Variants in CAST observed in about 807,000 individuals in gnomAD.
The protein encoded by CAST is calpastatin.
A neutral mutation model predicts 119.6 loss-of-function variants in CAST; 76 were observed. The observed-to-expected ratio is 0.64, with a 90% CI of 0.53 to 0.77. CAST has a LOEUF of 0.77. Ranked by LOEUF, CAST falls within the 30% of genes least tolerant of loss-of-function variation. CAST has a pLI of 0.00. For synonymous variants in CAST, 319 were observed against 331.6 expected (o/e 0.96, Z 0.41); for missense variants, 953 against 946.5 (o/e 1.01, Z -0.09).
At position 96,773,136 on chromosome 5, in the gene CAST, T is replaced by C. The variant is rs1773066616; in HGVS notation, c.*520T>C. ...TGATGTTGCTTTGGGATAATGTTTA[T>C]AAGTCAAACATAAGATATTGTACAT... On this transcript the variant is annotated 3_prime_UTR_variant, in exon 32 of 32. Transcript: ENST00000675179. 6.5e-6 allele frequency: 1 copy of C among 153,880 alleles called. No individual in the cohort carries two copies. Among genetic ancestry groups the C allele is most frequent in the African/African-American group, 2.4e-5 (1 of 41,454 alleles). The allele number at this position is 153,880 out of a possible 1,614,324, so 9.5% of individuals were successfully genotyped here.
chr5:96,750,481 T>C (rs2150574728), intron 19 of CAST, 106 bp from the exon 20 acceptor site: 2 of 631,240 alleles, frequency 3.2e-6, no homozygotes, highest in South Asian at 3.8e-5. Flanking sequence ...AAGAGAATCA[T>C]GTTCACACCA....
the CAST span, among the ~76,000 whole-genome samples, chr5:96,364,827 G>T: frequency 1.3e-5 from 2 of 152,284 alleles, no homozygotes; most frequent in African/African-American, 4.8e-5. Flanking sequence ...GTCTCCATCA[G>T]TTCTGCTGTG....
chr5:96,100,158 A>G, the CAST span, among the ~76,000 whole-genome samples: 2 of 151,956 alleles, frequency 1.3e-5, no homozygotes, highest in African/African-American at 4.8e-5. Context: ...CTTCCCAGGT[A>G]CCCTGCTGCA....
the CAST span, among the ~76,000 whole-genome samples, chr5:96,452,639 A>AT: frequency 4.2e-3 from 423 of 99,918 alleles, 2 homozygotes; most frequent in African/African-American, 0.012. Flanking sequence ...TTAAAGTATA[A>AT]TAAAAAAAAA....
At chr5:95,979,701 A>G in the CAST span, among the ~76,000 whole-genome samples, 1 of 152,238 alleles carries the variant, frequency 6.6e-6, no homozygotes. Flanking sequence ...AAGAAGAGCT[A>G]TACATATAAA....
the CAST span, among the ~76,000 whole-genome samples, chr5:96,492,215 G>A: frequency 1.3e-5 from 2 of 152,198 alleles, no homozygotes; most frequent in Admixed American, 6.5e-5. Flanking sequence ...ACTTACCCTC[G>A]TTTGAGGGAG....
chr5:96,278,953 A>G, the CAST span, among the ~76,000 whole-genome samples: 1 of 152,238 alleles, frequency 6.6e-6, no homozygotes, highest in African/African-American at 2.4e-5. Flanking sequence ...ATAAGCAGCC[A>G]CTGTTAGCAC....
chr5:96,594,276 A>AAGATAT (rs1238517740), intron 1 of CAST, among the ~76,000 whole-genome samples: 3 of 152,236 alleles, frequency 2.0e-5, no homozygotes, highest in African/African-American at 7.2e-5. Flanking sequence ...TATAGAAGAA[A>AAGATAT]GGGAAAGATA....
At chr5:96,582,775 C>T (rs1746791729) in intron 1 of CAST, among the ~76,000 whole-genome samples, 1 of 152,076 alleles carries the variant, frequency 6.6e-6, no homozygotes, top group South Asian at 2.1e-4. Context: ...TAATTAAAAA[C>T]CAGAAAACAC....
the CAST span, chr5:96,400,230 GT>G: frequency 7.1e-6 from 10 of 1,406,742 alleles, no homozygotes; most frequent in East Asian, 2.0e-4. Flanking sequence ...GAAAAATGAA[GT>G]TTCCTTGCAA....
the CAST span, among the ~76,000 whole-genome samples, chr5:96,457,592 C>T: frequency 2.0e-5 from 3 of 152,234 alleles, no homozygotes; most frequent in African/African-American, 7.2e-5. Flanking sequence ...ACCTCAGTGC[C>T]TTCGCCCTTG....
chr5:96,742,821 T>G (rs1762982844), intron 16 of CAST, 65 bp downstream of exon 16: 1 of 1,082,190 alleles, frequency 9.2e-7, no homozygotes, highest in Non-Finnish European at 1.4e-6. Context: ...GAATGCACTC[T>G]GCATGTTTAG....
At chr5:96,303,942 T>C in the CAST span, among the ~76,000 whole-genome samples, 1 of 152,342 alleles carries the variant, frequency 6.6e-6, no homozygotes, top group Middle Eastern at 3.4e-3. Context: ...TAGAATGATT[T>C]ATAATCCTTT....
chr5:96,420,917 G>A, the CAST span, among the ~76,000 whole-genome samples: 1 of 152,198 alleles, frequency 6.6e-6, no homozygotes, highest in African/African-American at 2.4e-5. Context: ...GCTGTTAGAT[G>A]CTTGGCTTTT....
the CAST span, among the ~76,000 whole-genome samples, chr5:96,217,662 A>G: frequency 6.6e-6 from 1 of 152,226 alleles, no homozygotes; most frequent in Admixed American, 6.5e-5. Flanking sequence ...ATCTATTACT[A>G]TGCACAACAA....
intron 1 of CAST, among the ~76,000 whole-genome samples, chr5:96,644,909 G>A (rs1240163960): frequency 6.6e-6 from 1 of 152,232 alleles, no homozygotes; most frequent in Non-Finnish European, 1.5e-5. Flanking sequence ...CTGGGAGGCA[G>A]AGGTTGCGGT....
At chr5:96,594,824 AT>A (rs201202862) in intron 1 of CAST, among the ~76,000 whole-genome samples, 2 of 151,910 alleles carry the variant, frequency 1.3e-5, no homozygotes, top group Admixed American at 1.3e-4. Flanking sequence ...TTGTGGCAAG[AT>A]TTTTTTTTCT....
At position 96,563,960 on chromosome 5, in the gene CAST, T is replaced by A. The variant is rs151238657; in HGVS notation, c.60+34080T>A. Reference sequence around the variant, plus strand: ...TATGAAACGTATTCATCTTAGAAGGTGCTGCTTTAATTTATGAGCTATGCA... The same window carrying A: ...TATGAAACGTATTCATCTTAGAAGGAGCTGCTTTAATTTATGAGCTATGCA... On this transcript the variant is annotated intron_variant, in intron 1 of 11. Coordinates refer to the CAST transcript ENST00000505143. Among the ~76,000 whole-genome samples, 559 of 152,300 alleles carry A rather than the reference T, an allele frequency of 3.7e-3. 5 individuals are homozygous for A. Among genetic ancestry groups the A allele is most frequent in the African/African-American group, 0.013 (541 of 41,568 alleles).
chr5:96,652,237 C>T (rs1452890233), intron 1 of CAST, among the ~76,000 whole-genome samples: 1 of 152,200 alleles, frequency 6.6e-6, no homozygotes, highest in East Asian at 1.9e-4. Context: ...AGGTATCTTC[C>T]AACCTAGGTT....
Sources: allele counts gnomAD v4.1 joint callset (sites outside exome capture counted in the v4.1 genomes callset), GRCh38; gene constraint gnomAD v4.1.1; transcripts MANE v1.5; gene names NCBI Gene and HGNC (gene_info 2026-07-23, HGNC 2026-07-21).